KMO: variants seen among roughly 807,000 people sequenced by gnomAD.
KMO encodes kynurenine 3-hydroxylase.
A neutral mutation model predicts 57.8 loss-of-function variants in KMO; 24 were observed. The ratio of observed to expected loss-of-function variants is 0.42; its 90% CI spans 0.30 to 0.58. The LOEUF (loss-of-function observed/expected upper bound fraction) is 0.58. KMO is among the 20% of genes least tolerant of loss of function. The probability of loss-of-function intolerance (pLI) is 0.22; values close to 1 mark genes in which losing one functional copy is unlikely to be tolerated. For synonymous variants in KMO, 210 were observed against 193.6 expected (o/e 1.08, Z -0.70); for missense variants, 483 against 588.2 (o/e 0.82, Z 1.85).
Position 241,592,338 on chromosome 1 carries a change from T to C in KMO, c.*185T>C. ...TGGTTGGGGGGTGCATTTTAAAAGA[T>C]GAAACATGCAGCTTCCCTACATTAC... On this transcript the variant is annotated 3_prime_UTR_variant, in exon 15 of 15. Coordinates refer to ENST00000366559, the MANE Select transcript of KMO (RefSeq NM_003679.5). The C allele has an allele frequency of 1.7e-6, 1 of 595,502 alleles. No individual in the cohort carries two copies. Among genetic ancestry groups the C allele is most frequent in the Admixed American group, 3.0e-5 (1 of 33,888 alleles). 36.9% of individuals were successfully genotyped at this position (595,502 alleles called of 1,614,324 possible). A position where few individuals can be genotyped will look rare whatever the true frequency, so the allele number is the denominator to read the frequency against.
intron 12 of KMO, 89 bp downstream of exon 12, chr1:241,588,919 T>A (rs1663133981): frequency 1.1e-6 from 1 of 884,574 alleles, no homozygotes; most frequent in East Asian, 2.5e-5. Context: ...TCAGCCCCCA[T>A]CTCATGCATG....
chr1:241,566,401 C>A lies in KMO; in HGVS notation c.688-90C>A, dbSNP rs1484410287. The A allele has an allele frequency of 1.3e-5, 11 of 859,056 alleles. No homozygotes were observed. In the African/African-American group the frequency reaches 2.4e-4, roughly 19 times the overall value. The allele number at this position is 859,056 out of a possible 1,614,324, so 53.2% of individuals were successfully genotyped here. ...ATTCCTTCCAAAAGCTCCCTGGTCA[C>A]AGCAAGAAGTCTTGTGATTTCAGGA... On this transcript the variant is annotated intron_variant, in intron 8 of 14. Transcript: ENST00000366559.
intron 1 of KMO, among the ~76,000 whole-genome samples, chr1:241,547,187 A>G (rs1661181456): frequency 6.6e-6 from 1 of 152,246 alleles, no homozygotes; most frequent in Admixed American, 6.5e-5. Context: ...TCATGATCTC[A>G]GAATAGGCAA....
chr1:241,591,033 A>C (rs1458719562), intron 14 of KMO, among the ~76,000 whole-genome samples: 2 of 152,210 alleles, frequency 1.3e-5, no homozygotes, highest in Non-Finnish European at 2.9e-5. Context: ...CAGGGAGCCC[A>C]GGGAGGCCAG....
intron 1 of KMO, 96 bp from the exon 2 acceptor site, chr1:241,548,733 A>G: frequency 2.9e-6 from 2 of 682,616 alleles, no homozygotes; most frequent in Non-Finnish European, 5.1e-6. Flanking sequence ...ATGTGAGGCT[A>G]GTAAAACATA....
intron 3 of KMO, among the ~76,000 whole-genome samples, chr1:241,550,552 C>A (rs779328931): frequency 6.6e-6 from 1 of 152,144 alleles, no homozygotes; most frequent in Non-Finnish European, 1.5e-5. Context: ...TATTTGCATT[C>A]CTATTATTTT....
At position 241,590,282 on chromosome 1, in the gene KMO, T is replaced by G; in HGVS notation, c.1260+19T>G. The G allele has an allele frequency of 6.3e-7, 1 of 1,579,324 alleles. No individual in the cohort carries two copies. The highest frequency in any genetic ancestry group is 1.1e-5 in the South Asian group (1 of 90,208). ...AAAAAAGGTTGGAACAGTTACATTT[T>G]ATTTATTTTTTAATGTGGTGTTTTG... On this transcript the variant is annotated intron_variant, in intron 14 of 14. Coordinates refer to ENST00000366559, the MANE Select transcript of KMO (RefSeq NM_003679.5).
chr1:241,591,133 G>C (rs2147988122), intron 14 of KMO, among the ~76,000 whole-genome samples: 1 of 152,216 alleles, frequency 6.6e-6, no homozygotes, highest in East Asian at 1.9e-4. Flanking sequence ...AATAAAACAG[G>C]GCCCCCACCC....
intron 10 of KMO, among the ~76,000 whole-genome samples, chr1:241,580,465 T>G (rs907218369): frequency 2.6e-5 from 4 of 152,174 alleles, no homozygotes; most frequent in Non-Finnish European, 4.4e-5. Context: ...TCTACTTTTT[T>G]GATGTAGGTA....
In KMO at chr1:241,551,006, G is replaced by A; in HGVS notation, c.274G>A (p.Gly92Arg). 6.4e-7 allele frequency: 1 copy of A among 1,564,566 alleles called. No individual in the cohort carries two copies. Among genetic ancestry groups the A allele is most frequent in the Non-Finnish European group, 8.6e-7 (1 of 1,159,466 alleles). ...MRARMIHSLS[G>R]KKSAIPYGTK... ...AGCAAGAATGATCCACTCTCTTTCA[G>A]GAAAAAAGTCTGCAATTCCCTATGG... The change falls in exon 4 of 15, where the codon GGA (glycine) becomes AGA (arginine). Residue 92 changes from glycine (G) to arginine (R), a missense_variant. Transcript: ENST00000366559.
Position 241,545,709 on chromosome 1 carries a change from C to T in KMO, c.55-3120C>T, listed in dbSNP as rs75264968. On this transcript the variant is annotated intron_variant, in intron 1 of 14. Coordinates refer to ENST00000366559, the MANE Select transcript of KMO (RefSeq NM_003679.5). Reference sequence around the variant, plus strand: ...TATGAAGTTGGAAGGATGCAATTTACCCCAAAGATAAAGTTCAAAGCACTG... The same window carrying T: ...TATGAAGTTGGAAGGATGCAATTTATCCCAAAGATAAAGTTCAAAGCACTG... Among the ~76,000 whole-genome samples the T allele has an allele frequency of 1.3e-3, 201 of 152,214 alleles. 1 individual carries two copies. Among genetic ancestry groups the T allele is most frequent in the Non-Finnish European group, 2.2e-3 (151 of 68,012 alleles).
chr1:241,587,081 A>C (rs1218144056), intron 11 of KMO, among the ~76,000 whole-genome samples: 1 of 152,108 alleles, frequency 6.6e-6, no homozygotes, highest in Non-Finnish European at 1.5e-5. Context: ...CAACAGTCCC[A>C]ACGTTTTGGC....
At chr1:241,556,726 A>G (rs1302175532) in intron 5 of KMO, among the ~76,000 whole-genome samples, 1 of 152,092 alleles carries the variant, frequency 6.6e-6, no homozygotes, top group Admixed American at 6.5e-5. Flanking sequence ...AAAAATACAA[A>G]AAGAAAAAAA....
Position 241,584,544 on chromosome 1 carries a change from A to G in KMO, c.958-2135A>G, listed in dbSNP as rs541012906. The stretch of plus-strand genomic sequence containing the variant: ...ACTATGAGCTGATTAGATGTTGAAC[A>G]CTACTGCCTTCATGGAAATGTTACT... On this transcript the variant is annotated intron_variant, in intron 10 of 14. Coordinates refer to ENST00000366559, the MANE Select transcript of KMO (RefSeq NM_003679.5). 1.2e-4 allele frequency among the ~76,000 whole-genome samples: 18 copies of G among 152,332 alleles called. 1 individual carries two copies. The South Asian group carries it at 3.3e-3, about 28-fold the overall frequency.
intron 8 of KMO, among the ~76,000 whole-genome samples, chr1:241,565,614 C>T (rs1662045933): frequency 6.6e-6 from 1 of 150,510 alleles, no homozygotes; most frequent in African/African-American, 2.4e-5. Flanking sequence ...TCCCCAACTA[C>T]TCAGGAGGCT....
At chr1:241,586,339 C>T (rs1573939721) in intron 10 of KMO, among the ~76,000 whole-genome samples, 2 of 151,830 alleles carry the variant, frequency 1.3e-5, no homozygotes, top group East Asian at 3.9e-4. Context: ...GCTGGGACCA[C>T]AGGCACACAC....
intron 2 of KMO, among the ~76,000 whole-genome samples, chr1:241,549,256 A>AGGAAGAAAGTCG (rs369081687): frequency 3.5e-5 from 4 of 114,808 alleles, no homozygotes; most frequent in Non-Finnish European, 5.7e-5. Flanking sequence ...AAAGAAAGAA[A>AGGAAGAAAGTCG]GAAAGAAAGA....
chr1:241,575,063 T>G (rs1427747229), intron 10 of KMO, among the ~76,000 whole-genome samples: 1 of 152,018 alleles, frequency 6.6e-6, no homozygotes, highest in African/African-American at 2.4e-5. Flanking sequence ...AAAAAGGTGT[T>G]CCTAGTAGTC....
intron 1 of KMO, among the ~76,000 whole-genome samples, chr1:241,540,870 C>G (rs1660934252): frequency 6.6e-6 from 1 of 151,932 alleles, no homozygotes; most frequent in African/African-American, 2.4e-5. Flanking sequence ...TTGAGACCAG[C>G]CTTGGCAACA....
Sources: gnomAD v4.1 joint callset for allele counts (sites outside exome capture counted in the v4.1 genomes callset) on GRCh38, gnomAD v4.1.1 for gene constraint, MANE v1.5 for transcripts, NCBI Gene and HGNC (gene_info 2026-07-23, HGNC 2026-07-21) for gene names.